UGT1A9: variants seen among roughly 807,000 people sequenced by gnomAD.
UGT1A9 encodes UDP-glucuronosyltransferase 1A9.
Under a neutral mutation model 45.0 loss-of-function variants are expected in UGT1A9, and 35 were observed. That is an observed-to-expected ratio of 0.78 (90% CI 0.59 to 1.03). The LOEUF is 1.03. Among genes scored for constraint, UGT1A9 ranks in the 50% least tolerant of loss-of-function variants. The probability of loss-of-function intolerance (pLI) is 0.00; values close to 1 mark genes in which losing one functional copy is unlikely to be tolerated. For synonymous variants in UGT1A9, 278 were observed against 250.6 expected (o/e 1.11, Z -1.03); for missense variants, 687 against 666.6 (o/e 1.03, Z -0.34).
At chr2:233,755,468 T>G (rs1434722423) in intron 1 of UGT1A9, 4 of 241,190 alleles carry the variant, frequency 1.7e-5, no homozygotes, top group Non-Finnish European at 3.3e-5. Context: ...CTGCTCTCTG[T>G]GAGGCTCTGT....
At chr2:233,688,298 T>A (rs1218432099) in intron 1 of UGT1A9, among the ~76,000 whole-genome samples, 6 of 152,258 alleles carry the variant, frequency 3.9e-5, no homozygotes, top group Non-Finnish European at 8.8e-5. Context: ...GCATTTTTTT[T>A]ATCCATTCAT....
chr2:233,676,803 C>T (rs193271442), intron 1 of UGT1A9, among the ~76,000 whole-genome samples: 84 of 152,216 alleles, frequency 5.5e-4, no homozygotes, highest in African/African-American at 1.9e-3. Flanking sequence ...TGTTTTCTTG[C>T]GTGTGAATAT....
At chr2:233,684,201 C>T (rs893084348) in intron 1 of UGT1A9, among the ~76,000 whole-genome samples, 4 of 152,164 alleles carry the variant, frequency 2.6e-5, no homozygotes, top group Non-Finnish European at 5.9e-5. Flanking sequence ...GACTGTTCAA[C>T]CAACTCATGG....
chr2:233,671,902 T>C lies in UGT1A9; in HGVS notation c.-33T>C. ...CCTACTGTATCATAGGAGCTTAGATTCCCAGCTGCTTGCTCTCAGCTGCAG... is the reference window on the plus strand; with the variant it reads ...CCTACTGTATCATAGGAGCTTAGATCCCCAGCTGCTTGCTCTCAGCTGCAG... On this transcript the variant is annotated 5_prime_UTR_variant, in exon 1 of 5. Coordinates refer to ENST00000354728, the MANE Select transcript of UGT1A9 (RefSeq NM_021027.3). 2 of 1,575,526 alleles carry C rather than the reference T, an allele frequency of 1.3e-6. No individual in the cohort carries two copies. Among genetic ancestry groups the C allele is most frequent in the Non-Finnish European group, 1.7e-6 (2 of 1,161,316 alleles).
At chr2:233,761,149 C>A (rs1575779799) in intron 1 of UGT1A9, 1 of 1,614,176 alleles carries the variant, frequency 6.2e-7, no homozygotes. Context: ...TCCACTATCC[C>A]AGGTGTGTAT....
intron 1 of UGT1A9, among the ~76,000 whole-genome samples, chr2:233,732,830 G>GT (rs1465504396): frequency 3.4e-5 from 5 of 148,534 alleles, no homozygotes; most frequent in African/African-American, 1.0e-4. Context: ...CTTTAAAGTA[G>GT]TTTTTTCCAA....
At chr2:233,681,967 T>C in intron 1 of UGT1A9, 1 of 1,614,120 alleles carries the variant, frequency 6.2e-7, no homozygotes, top group Non-Finnish European at 8.5e-7. Context: ...CTGGCCTCCT[T>C]CCCCTATATG....
chr2:233,762,402 T>A (rs1251958312), intron 1 of UGT1A9, among the ~76,000 whole-genome samples: 1 of 152,262 alleles, frequency 6.6e-6, no homozygotes, highest in Non-Finnish European at 1.5e-5. Flanking sequence ...TAAAATTTTT[T>A]GGTTGCTTTT....
At chr2:233,701,496 A>G (rs2075632566) in intron 1 of UGT1A9, among the ~76,000 whole-genome samples, 1 of 152,140 alleles carries the variant, frequency 6.6e-6, no homozygotes, top group Admixed American at 6.5e-5. Context: ...AAGCGGACCT[A>G]ATAGACATCT....
rs771993243 is a variant in UGT1A9 at position 233,755,018 on chromosome 2, C to G, written c.856-12016C>G. 2.3e-6 allele frequency: 3 copies of G among 1,302,150 alleles called. No homozygotes were observed. In the South Asian group the frequency reaches 3.5e-5, roughly 15 times the overall value. The allele number at this position is 1,302,150 out of a possible 1,614,324, so 80.7% of individuals were successfully genotyped here. ...AGCTGAAGACCTACTCGAAGGGGTCCTTGAAGGGCCTGCCGCCTGCGCAGC... is the reference window on the plus strand; with the variant it reads ...AGCTGAAGACCTACTCGAAGGGGTCGTTGAAGGGCCTGCCGCCTGCGCAGC... On this transcript the variant is annotated intron_variant, in intron 1 of 4. Transcript: ENST00000354728.
chr2:233,718,933 G>C, intron 1 of UGT1A9: 1 of 1,614,132 alleles, frequency 6.2e-7, no homozygotes, highest in Non-Finnish European at 8.5e-7. Context: ...CCCACTGATG[G>C]CAGCCCCTGG....
At chr2:233,761,212 G>T in intron 1 of UGT1A9, 1 of 1,613,674 alleles carries the variant, frequency 6.2e-7, no homozygotes, top group Non-Finnish European at 8.5e-7. Flanking sequence ...ACTTTGGATC[G>T]ATTAACTAGC....
chr2:233,677,907 A>G (rs1575422443), intron 1 of UGT1A9, among the ~76,000 whole-genome samples: 1 of 152,210 alleles, frequency 6.6e-6, no homozygotes, highest in South Asian at 2.1e-4. Context: ...TAGAAAAGAC[A>G]TGAAATCAAC....
chr2:233,729,186 C>G, intron 1 of UGT1A9: 1 of 1,613,952 alleles, frequency 6.2e-7, no homozygotes, highest in Non-Finnish European at 8.5e-7. Flanking sequence ...TGCTTCTCCT[C>G]AGTGTCCAGC....
chr2:233,707,949 C>G (rs530290982), intron 1 of UGT1A9, among the ~76,000 whole-genome samples: 9 of 152,206 alleles, frequency 5.9e-5, no homozygotes, highest in Non-Finnish European at 1.0e-4. Flanking sequence ...TTTGGATTTC[C>G]TCTTTTGCCC....
At chr2:233,724,684 G>C (rs1018251695) in intron 1 of UGT1A9, among the ~76,000 whole-genome samples, 2 of 144,476 alleles carry the variant, frequency 1.4e-5, no homozygotes, top group Admixed American at 1.4e-4. Flanking sequence ...ATGGGATGGC[G>C]GCCGGGTGAA....
rs1342318233 is a variant in UGT1A9, at chr2:233,708,605, G to C, written c.855+35816G>C. ...CTTCACTACAGAAAGTAAAAACCTA[G>C]CTGGACATGGTAGCGTGTGCCTGTA... On this transcript the variant is annotated intron_variant, in intron 1 of 4. Coordinates refer to ENST00000354728, the MANE Select transcript of UGT1A9 (RefSeq NM_021027.3). 3 of 152,208 alleles carry C rather than the reference G, an allele frequency of 2.0e-5. No individual in the cohort carries two copies. In the East Asian group the frequency reaches 5.8e-4, roughly 30 times the overall value. 9.4% of individuals were successfully genotyped at this position (152,208 alleles called of 1,614,324 possible).
At chr2:233,724,348 C>T (rs1263010840) in intron 1 of UGT1A9, among the ~76,000 whole-genome samples, 5 of 144,562 alleles carry the variant, frequency 3.5e-5, no homozygotes, top group Non-Finnish European at 7.6e-5. Flanking sequence ...TGACCCCCCC[C>T]ACCTCCCTCC....
chr2:233,740,218 G>C (rs908803369), intron 1 of UGT1A9, among the ~76,000 whole-genome samples: 7 of 151,840 alleles, frequency 4.6e-5, no homozygotes, highest in Non-Finnish European at 8.8e-5. Flanking sequence ...AGTCTCAGCT[G>C]CGTCTTTATA....
Sources: allele counts gnomAD v4.1 joint callset (sites outside exome capture counted in the v4.1 genomes callset), GRCh38; gene constraint gnomAD v4.1.1; transcripts MANE v1.5; gene names NCBI Gene and HGNC (gene_info 2026-07-23, HGNC 2026-07-21).